Variants in SYNE3 observed in about 807,000 individuals in gnomAD.
SYNE3 encodes the protein spectrin repeat containing nuclear envelope family member 3.
Under a neutral mutation model 111.2 loss-of-function variants are expected in SYNE3, and 100 were observed. That is an observed-to-expected ratio of 0.90 (90% CI 0.77 to 1.06). The LOEUF (loss-of-function observed/expected upper bound fraction) is 1.06, where lower values mean the gene tolerates loss of function less well. Among genes scored for constraint, SYNE3 ranks in the 50% least tolerant of loss-of-function variants. The pLI, the probability that SYNE3 is intolerant of heterozygous loss-of-function variation, is 0.00. For synonymous variants in SYNE3, 547 were observed against 533.9 expected, an observed-to-expected ratio of 1.02 and a Z score of -0.34; for missense variants, 1,160 against 1,240.3, an observed-to-expected ratio of 0.94 and a Z score of 0.97.
intron 1 of SYNE3, among the ~76,000 whole-genome samples, chr14:95,502,418 T>G (rs1370529108): frequency 6.6e-6 from 1 of 152,104 alleles, no homozygotes; most frequent in Non-Finnish European, 1.5e-5. Context: ...CTACAGCCTG[T>G]GTGTCCTGCC....
chr14:95,444,638 C>A lies in SYNE3; in HGVS notation c.1633-10G>T. On this transcript the variant is annotated splice_polypyrimidine_tract_variant and intron_variant, in intron 9 of 17. Transcript: ENST00000682763. ...GCTGAGCGAGCAGGCTCTGCAGAGA[C>A]ACAGGACAGTGTGCACATTAAGAGC... 1 of 1,583,182 alleles carries A rather than the reference C, an allele frequency of 6.3e-7. No homozygotes were observed. Among genetic ancestry groups the A allele is most frequent in the Admixed American group, 1.8e-5 (1 of 56,840 alleles).
At chr14:95,465,897 G>A (rs1182494212) in intron 4 of SYNE3, 34 bp downstream of exon 4, 1 of 1,537,038 alleles carries the variant, frequency 6.5e-7, no homozygotes, top group South Asian at 1.3e-5. Context: ...TGGATGGGTG[G>A]GTGAGGATGT....
chr14:95,481,750 A>T (rs1348063113), intron 1 of SYNE3, among the ~76,000 whole-genome samples: 1 of 152,238 alleles, frequency 6.6e-6, no homozygotes, highest in Admixed American at 6.5e-5. Flanking sequence ...CCTGTGGTCC[A>T]TCGGGTAACT....
Position 95,407,893 on chromosome 14 carries a change from T to G in SYNE3, c.*9933A>C, listed in dbSNP as rs2139311200. ...AGGTTAGTGTAACCAGGTCTCCAGG[T>G]ACAAAGGATGAAGTGGGTTTGCTCA... On this transcript the variant is annotated 3_prime_UTR_variant, in exon 18 of 18. Coordinates refer to ENST00000682763, the MANE Select transcript of SYNE3 (RefSeq NM_152592.6). The G allele has an allele frequency of 6.6e-6, 1 of 152,226 alleles. No individual in the cohort carries two copies. The highest frequency in any genetic ancestry group is 2.1e-4 in the South Asian group (1 of 4,804). 9.4% of individuals were successfully genotyped at this position (152,226 alleles called of 1,614,324 possible). A position where few individuals can be genotyped will look rare whatever the true frequency, so the allele number is the denominator to read the frequency against.
Position 95,450,022 on chromosome 14 carries a change from T to C in SYNE3, c.1358A>G (p.Gln453Arg). The C allele has an allele frequency of 1.9e-6, 3 of 1,558,606 alleles. No homozygotes were observed. The highest frequency in any genetic ancestry group is 2.6e-6 in the Non-Finnish European group (3 of 1,151,244). Residue 453 changes from glutamine (Q) to arginine (R), a missense_variant, in exon 8 of 18, where the codon CAG (glutamine) becomes CGG (arginine). By Grantham distance (43) the Gln-to-Arg change is conservative. Coordinates refer to ENST00000682763, the MANE Select transcript of SYNE3 (RefSeq NM_152592.6). ...CCGCTGGGCCAGGGCCTTCCACAGC[T>C]GCAGATCCTGCAGAGGCCGCTGGAA... ...QHFQRPLQDL[Q>R]LWKALAQRLL...
chr14:95,452,195 A>G, intron 7 of SYNE3, 52 bp downstream of exon 7: 1 of 1,486,876 alleles, frequency 6.7e-7, no homozygotes, highest in South Asian at 1.4e-5. Flanking sequence ...AGATGGGGAA[A>G]TGTGGGTTCC....
intron 4 of SYNE3, among the ~76,000 whole-genome samples, chr14:95,463,485 C>T (rs1396136087): frequency 3.9e-5 from 6 of 152,266 alleles, no homozygotes; most frequent in African/African-American, 1.4e-4. Context: ...ATCTCCTCCA[C>T]ACCCTGCACC....
intron 2 of SYNE3, among the ~76,000 whole-genome samples, chr14:95,475,095 C>T (rs760022267): frequency 2.6e-5 from 4 of 152,214 alleles, no homozygotes; most frequent in African/African-American, 4.8e-5. Flanking sequence ...AGGCCACGGG[C>T]GACCCACCCT....
At chr14:95,508,369 G>A (rs888374996) in intron 1 of SYNE3, among the ~76,000 whole-genome samples, 3 of 152,200 alleles carry the variant, frequency 2.0e-5, no homozygotes, top group Non-Finnish European at 2.9e-5. Flanking sequence ...CCATTCACTC[G>A]TTCATTCATT....
chr14:95,515,397 A>G (rs900256476), intron 1 of SYNE3, among the ~76,000 whole-genome samples: 7 of 152,132 alleles, frequency 4.6e-5, no homozygotes, highest in African/African-American at 7.2e-5. Flanking sequence ...CCTGACTCCT[A>G]TGGGCTGTTG....
intron 8 of SYNE3, among the ~76,000 whole-genome samples, chr14:95,448,329 G>A (rs973770561): frequency 4.2e-5 from 5 of 118,416 alleles, no homozygotes; most frequent in Admixed American, 8.6e-5. Context: ...ATCCTTTGGA[G>A]CATAGGGCTG....
At position 95,446,046 on chromosome 14, in the gene SYNE3, G is replaced by A. The variant is rs576145403; in HGVS notation, c.1495C>T (p.Leu499=). ...SSRLKELLTM[L]QLKKDLLIGI... The stretch of plus-strand genomic sequence containing the variant: ...ATCAGGAGGTCTTTCTTCAGCTGCA[G>A]CATCGTCAGCAGCTCTTTCAGGCGG... Residue 499 remains leucine, a synonymous_variant, in exon 9 of 18, where the codon CTG becomes TTG. Coordinates refer to ENST00000682763, the MANE Select transcript of SYNE3 (RefSeq NM_152592.6). The A allele has an allele frequency of 1.6e-5, 26 of 1,614,150 alleles. No homozygotes were observed. The South Asian group carries it at 2.6e-4, about 16-fold the overall frequency.
rs190064520 is a variant in SYNE3 at position 95,478,121 on chromosome 14, C to T, written c.-14-2286G>A. 1.4e-4 allele frequency among the ~76,000 whole-genome samples: 21 copies of T among 152,184 alleles called. No individual in the cohort carries two copies. In the East Asian group the frequency reaches 2.5e-3, roughly 18 times the overall value. ...CAGGGACCCGGTGGGGTTGAGCAGG[C>T]GGGGATGCTCAGACCAACCGAACTG... is the stretch of plus-strand genomic sequence containing the variant. On this transcript the variant is annotated intron_variant, in intron 1 of 17. Transcript: ENST00000682763.
rs186110334 is a variant in SYNE3 at position 95,516,378 on chromosome 14, G to C, written c.-15+218C>G. Among the ~76,000 whole-genome samples, 109 of 152,294 alleles carry C rather than the reference G, an allele frequency of 7.2e-4. 1 individual carries two copies. The highest frequency in any genetic ancestry group is 2.6e-3 in the African/African-American group (108 of 41,576). ...GGGAATTTCGCAGCCAGCACAGAAC[G>C]GTTGGATTTAAACTAAAAATACCCG... is the stretch of plus-strand genomic sequence containing the variant. On this transcript the variant is annotated intron_variant, in intron 1 of 17. Coordinates refer to ENST00000682763, the MANE Select transcript of SYNE3 (RefSeq NM_152592.6).
In SYNE3 at chr14:95,477,840, TG is replaced by T. The variant is rs1447627453; in HGVS notation, c.-14-2006del. The stretch of plus-strand genomic sequence containing the variant: ...TGCATTGGATGTGCAAGCATTTAAA[TG>T]TATTTGTTGTGGCTCTAATTTCTCA... On this transcript the variant is annotated intron_variant, in intron 1 of 17. Coordinates refer to ENST00000682763, the MANE Select transcript of SYNE3 (RefSeq NM_152592.6). Among the ~76,000 whole-genome samples the T allele has an allele frequency of 6.6e-5, 10 of 152,348 alleles. No individual in the cohort carries two copies. The South Asian group carries it at 1.7e-3, about 25-fold the overall frequency.
At position 95,475,983 on chromosome 14, in the gene SYNE3, G is replaced by A. The variant is rs1030302582; in HGVS notation, c.-14-148C>T. On this transcript the variant is annotated intron_variant, in intron 1 of 17. Coordinates refer to ENST00000682763, the MANE Select transcript of SYNE3 (RefSeq NM_152592.6). ...GGGCAATATGGCCAGAGGTGAGCACGTTTGTCAGGAATGGAATTAGGCAGG... is the reference window on the plus strand; with the variant it reads ...GGGCAATATGGCCAGAGGTGAGCACATTTGTCAGGAATGGAATTAGGCAGG... 1.4e-5 allele frequency: 10 copies of A among 737,064 alleles called. No individual in the cohort carries two copies. In the East Asian group the frequency reaches 1.7e-4, roughly 12 times the overall value. 45.7% of individuals were successfully genotyped at this position (737,064 alleles called of 1,614,324 possible).
At chr14:95,499,263 C>A (rs573418533) in intron 1 of SYNE3, among the ~76,000 whole-genome samples, 10 of 152,210 alleles carry the variant, frequency 6.6e-5, no homozygotes, top group South Asian at 2.1e-4. Flanking sequence ...GGCTCAGGGT[C>A]AAAGGCTTTT....
intron 11 of SYNE3, among the ~76,000 whole-genome samples, chr14:95,442,271 TTA>T (rs1886454650): frequency 6.6e-6 from 1 of 152,346 alleles, no homozygotes; most frequent in East Asian, 1.9e-4. Flanking sequence ...GACCACCTCC[TTA>T]TGTCTTGAGT....
chr14:95,447,196 C>T (rs1595200571), intron 8 of SYNE3, among the ~76,000 whole-genome samples: 1 of 149,248 alleles, frequency 6.7e-6, no homozygotes, highest in African/African-American at 2.5e-5. Context: ...TGCAGTGGCA[C>T]GATCTCAGCT....
Sources: allele counts gnomAD v4.1 joint callset (sites outside exome capture counted in the v4.1 genomes callset), GRCh38; gene constraint gnomAD v4.1.1; transcripts MANE v1.5; gene names NCBI Gene and HGNC (gene_info 2026-07-23, HGNC 2026-07-21).